The following ENPEP variants were observed in gnomAD, a reference collection of about 807,000 sequenced individuals.
The protein encoded by ENPEP is AP-A.
ENPEP carries 103 observed loss-of-function variants against 114.5 expected under a neutral mutation model. That is an observed-to-expected ratio of 0.90 (90% CI 0.77 to 1.06). The LOEUF is 1.06. ENPEP is among the 50% of genes least tolerant of loss of function. ENPEP has a pLI of 0.00. For missense variants in ENPEP, 1,196 were observed against 1,161.3 expected, an observed-to-expected ratio of 1.03 and a Z score of -0.43; for synonymous variants, 420 against 422.0, an observed-to-expected ratio of 1.00 and a Z score of 0.06.
chr4:110,496,159 C>A lies in ENPEP; in HGVS notation c.918+4995C>A, dbSNP rs910292509. 3.3e-5 allele frequency among the ~76,000 whole-genome samples: 5 copies of A among 151,936 alleles called. No individual in the cohort carries two copies. In the East Asian group the frequency reaches 9.6e-4, roughly 29 times the overall value. On this transcript the variant is annotated intron_variant, in intron 3 of 19. Transcript: ENST00000265162. ...CTTCTTACTTGCTTCCATCTTAGTC[C>A]GTTGTTTGCCTGGATTAGAAAGATA... is the stretch of plus-strand genomic sequence containing the variant.
chr4:110,528,011 A>G (rs1386193453), intron 10 of ENPEP, among the ~76,000 whole-genome samples: 1 of 152,222 alleles, frequency 6.6e-6, no homozygotes, highest in African/African-American at 2.4e-5. Flanking sequence ...ACGGTATAAA[A>G]TCAATTTTTG....
rs1438591184 is a variant in ENPEP at position 110,562,086 on chromosome 4, T to G, written c.*528T>G. On this transcript the variant is annotated 3_prime_UTR_variant, in exon 20 of 20. Transcript: ENST00000265162. ...AAATCCTACCAAAGTAACCTGGGCT[T>G]AAGTTTTACTTGAGGATCATATGAA... The G allele has an allele frequency of 6.6e-6, 1 of 152,216 alleles. No individual in the cohort carries two copies. The highest frequency in any genetic ancestry group is 1.9e-4 in the East Asian group (1 of 5,200). 9.4% of individuals were successfully genotyped at this position (152,216 alleles called of 1,614,324 possible).
chr4:110,537,661 G>C (rs599866), intron 11 of ENPEP, among the ~76,000 whole-genome samples: 75,076 of 152,048 alleles, frequency 0.49, 19,558 homozygotes, highest in East Asian at 0.72. Context: ...GTTCTTAATG[G>C]CTTCTAGAAT....
intron 1 of ENPEP, 72 bp from the exon 2 acceptor site, chr4:110,488,465 TCCCC>T: frequency 7.1e-7 from 1 of 1,417,724 alleles, no homozygotes. Flanking sequence ...GATTTTTTTT[TCCCC>T]TAGGAATAGA....
In ENPEP at chr4:110,513,561, A is replaced by G. The variant is rs1018159549; in HGVS notation, c.1443+12A>G. Reference sequence around the variant, plus strand: ...TATCCTATAGCAAGGTGGGAGAAATAGAACATTGTTTTGAACATCTTCCTG... The same window carrying G: ...TATCCTATAGCAAGGTGGGAGAAATGGAACATTGTTTTGAACATCTTCCTG... On this transcript the variant is annotated intron_variant, in intron 7 of 19. Coordinates refer to ENST00000265162, the MANE Select transcript of ENPEP (RefSeq NM_001977.4). The G allele has an allele frequency of 3.1e-6, 5 of 1,610,524 alleles. No homozygotes were observed. The highest frequency in any genetic ancestry group is 1.7e-5 in the Admixed American group (1 of 59,402).
chr4:110,511,973 AG>A lies in ENPEP; in HGVS notation c.1309-1440del, dbSNP rs1485530423. Among the ~76,000 whole-genome samples the A allele has an allele frequency of 5.9e-5, 9 of 152,286 alleles. No individual in the cohort carries two copies. In the South Asian group the frequency reaches 1.7e-3, roughly 28 times the overall value. ...GAGATGGGGTTTTGCCATGATGGCC[AG>A]GCTGATCTTGAACTCCTTACCTCAG... is the stretch of plus-strand genomic sequence containing the variant. On this transcript the variant is annotated intron_variant, in intron 6 of 19. Coordinates refer to ENST00000265162, the MANE Select transcript of ENPEP (RefSeq NM_001977.4).
At chr4:110,549,459 T>C (rs769380156) in intron 15 of ENPEP, 40 bp downstream of exon 15, 2 of 1,612,266 alleles carry the variant, frequency 1.2e-6, no homozygotes, top group Non-Finnish European at 1.7e-6. Context: ...CATTTAACAT[T>C]TGTTTTTTGT....
At position 110,562,243 on chromosome 4, in the gene ENPEP, A is replaced by G. The variant is rs921719831; in HGVS notation, c.*685A>G. On this transcript the variant is annotated 3_prime_UTR_variant, in exon 20 of 20. Coordinates refer to ENST00000265162, the MANE Select transcript of ENPEP (RefSeq NM_001977.4). ...GTTTTCCAGTGTCACTTGACTCTTG[A>G]ATAAAAATAACTGCAGTGTTCCCCA... The G allele has an allele frequency of 6.6e-6, 1 of 152,134 alleles. No individual in the cohort carries two copies. Among genetic ancestry groups the G allele is most frequent in the Non-Finnish European group, 1.5e-5 (1 of 68,006 alleles). 9.4% of individuals were successfully genotyped at this position (152,134 alleles called of 1,614,324 possible). A position where few individuals can be genotyped will look rare whatever the true frequency, so the allele number is the denominator to read the frequency against.
At chr4:110,539,092 G>T (rs1726753901) in intron 11 of ENPEP, among the ~76,000 whole-genome samples, 1 of 152,140 alleles carries the variant, frequency 6.6e-6, no homozygotes, top group Non-Finnish European at 1.5e-5. Flanking sequence ...AATATTGCAA[G>T]AATGATCAAA....
At chr4:110,488,456 A>C in intron 1 of ENPEP, 85 bp from the exon 2 acceptor site, 1 of 1,396,008 alleles carries the variant, frequency 7.2e-7, no homozygotes, top group Non-Finnish European at 9.3e-7. Flanking sequence ...TGCATAGCTG[A>C]TTTTTTTTTC....
chr4:110,494,116 A>G (rs533661076), intron 3 of ENPEP, among the ~76,000 whole-genome samples: 1 of 152,322 alleles, frequency 6.6e-6, no homozygotes, highest in South Asian at 2.1e-4. Flanking sequence ...GTGACGAGAA[A>G]ACGATCAGAA....
chr4:110,561,552 T>A lies in ENPEP; in HGVS notation c.2868T>A (p.Ser956Arg). Residue 956 changes from serine to arginine, a missense_variant, in exon 20 of 20, where the codon AGT (serine) becomes AGA (arginine). Ser to Arg is a moderately radical substitution (Grantham distance 110). Coordinates refer to ENST00000265162, the MANE Select transcript of ENPEP (RefSeq NM_001977.4). ...AATGGTTTTTTAATTTACTTGAGAG[T>A]GGTTAATGTATTCAAATGTTAGAGT... ...IREWFFNLLE[S>R]G 1 of 1,610,008 alleles carries A rather than the reference T, an allele frequency of 6.2e-7. No individual in the cohort carries two copies. The highest frequency in any genetic ancestry group is 8.5e-7 in the Non-Finnish European group (1 of 1,178,874).
intron 2 of ENPEP, among the ~76,000 whole-genome samples, chr4:110,488,970 C>A (rs558996739): frequency 6.6e-6 from 1 of 152,020 alleles, no homozygotes; most frequent in Non-Finnish European, 1.5e-5. Context: ...ATCCCTGAGT[C>A]GTGACAGATT....
chr4:110,532,247 CT>C (rs1364859223), intron 11 of ENPEP, among the ~76,000 whole-genome samples: 2 of 152,168 alleles, frequency 1.3e-5, no homozygotes, highest in Admixed American at 1.3e-4. Context: ...ACCCCATACC[CT>C]TTAGCTGTCA....
In ENPEP at chr4:110,542,359, G is replaced by A. The variant is rs1305495328; in HGVS notation, c.1808-392G>A. ...GGCTGCCCTGGTGAATATTGTTTGT[G>A]TAATCAATCCATTATGATTAGGGAT... is the stretch of plus-strand genomic sequence containing the variant. On this transcript the variant is annotated intron_variant, in intron 11 of 19. Coordinates refer to ENST00000265162, the MANE Select transcript of ENPEP (RefSeq NM_001977.4). 3.3e-5 allele frequency among the ~76,000 whole-genome samples: 5 copies of A among 151,958 alleles called. No individual in the cohort carries two copies. In the South Asian group the frequency reaches 1.0e-3, roughly 32 times the overall value.
intron 18 of ENPEP, among the ~76,000 whole-genome samples, chr4:110,558,470 T>G (rs1163280770): frequency 6.6e-6 from 1 of 151,860 alleles, no homozygotes; most frequent in Non-Finnish European, 1.5e-5. Context: ...ACTTTTTGTA[T>G]TTTTGTTAGA....
At chr4:110,520,102 T>C in intron 9 of ENPEP, 29 bp downstream of exon 9, 1 of 1,608,772 alleles carries the variant, frequency 6.2e-7, no homozygotes, top group Non-Finnish European at 8.5e-7. Flanking sequence ...CCCCAAATAT[T>C]TCTTTGTCTG....
chr4:110,532,271 C>A (rs1726435768), intron 11 of ENPEP, among the ~76,000 whole-genome samples: 1 of 152,176 alleles, frequency 6.6e-6, no homozygotes, highest in Non-Finnish European at 1.5e-5. Context: ...CCTGCAGCCT[C>A]CCATATGCCC....
intron 3 of ENPEP, among the ~76,000 whole-genome samples, chr4:110,504,366 C>T (rs188850671): frequency 6.6e-6 from 1 of 152,228 alleles, no homozygotes; most frequent in African/African-American, 2.4e-5. Flanking sequence ...GTCTTTGATC[C>T]ATACCTAGTC....
Sources: gnomAD v4.1 joint callset for allele counts (sites outside exome capture counted in the v4.1 genomes callset) on GRCh38, gnomAD v4.1.1 for gene constraint, MANE v1.5 for transcripts, NCBI Gene and HGNC (gene_info 2026-07-23, HGNC 2026-07-21) for gene names.